The following TSHZ2 variants were observed in gnomAD, a reference collection of about 807,000 sequenced individuals.
The protein encoded by TSHZ2 is teashirt homolog 2.
Under a neutral mutation model 74.4 loss-of-function variants are expected in TSHZ2, and 21 were observed. The ratio of observed to expected loss-of-function variants is 0.28; its 90% CI spans 0.20 to 0.41. The LOEUF is 0.41. Ranked by LOEUF, TSHZ2 falls within the 10% of genes least tolerant of loss-of-function variation. The probability of loss-of-function intolerance (pLI) is 1.00; values close to 1 mark genes in which losing one functional copy is unlikely to be tolerated. For missense variants in TSHZ2, 1,244 were observed against 1,293.5 expected (o/e 0.96, Z 0.59); for synonymous variants, 540 against 515.3 (o/e 1.05, Z -0.65).
chr20:53,400,353 T>C lies in TSHZ2; in HGVS notation c.*9-86791T>C, dbSNP rs1280721453. The C allele has an allele frequency of 2.0e-5, 3 of 152,266 alleles. No homozygotes were observed. In the East Asian group the frequency reaches 5.8e-4, roughly 29 times the overall value. The allele number at this position is 152,266 out of a possible 1,614,324, so 9.4% of individuals were successfully genotyped here. A position where few individuals can be genotyped will look rare whatever the true frequency, so the allele number is the denominator to read the frequency against. ...CCTCTGAGACAAAGTGCTTGTTGAA[T>C]GTCTTCCACTGTTCCGACACAGAAA... is the stretch of plus-strand genomic sequence containing the variant. On this transcript the variant is annotated intron_variant, in intron 2 of 2. Coordinates refer to ENST00000371497, the MANE Select transcript of TSHZ2 (RefSeq NM_173485.6).
At chr20:53,087,949 C>T (rs1390420366) in intron 1 of TSHZ2, among the ~76,000 whole-genome samples, 1 of 152,140 alleles carries the variant, frequency 6.6e-6, no homozygotes, top group Non-Finnish European at 1.5e-5. Flanking sequence ...CTCCTCCAAC[C>T]TTTTCCCAAG....
chr20:53,039,837 G>T (rs1435506307), intron 1 of TSHZ2, among the ~76,000 whole-genome samples: 1 of 151,412 alleles, frequency 6.6e-6, no homozygotes, highest in Non-Finnish European at 1.5e-5. Flanking sequence ...GCCGGCTGTG[G>T]TGGCTCACAC....
intron 2 of TSHZ2, among the ~76,000 whole-genome samples, chr20:53,352,777 C>CAAA (rs869247919): frequency 3.0e-5 from 2 of 65,598 alleles, no homozygotes; most frequent in African/African-American, 1.1e-4. Flanking sequence ...CTGTCTCAAA[C>CAAA]AAAAAAAAAA....
At chr20:53,381,033 T>C (rs1356166619) in intron 2 of TSHZ2, among the ~76,000 whole-genome samples, 1 of 152,224 alleles carries the variant, frequency 6.6e-6, no homozygotes, top group African/African-American at 2.4e-5. Flanking sequence ...ATCCAGCATT[T>C]TGTAGCTCTG....
At chr20:53,262,966 T>G (rs1209317437) in intron 2 of TSHZ2, among the ~76,000 whole-genome samples, 1 of 152,208 alleles carries the variant, frequency 6.6e-6, no homozygotes, top group African/African-American at 2.4e-5. Context: ...GAAGCGAAGT[T>G]CTGGAGTATA....
chr20:53,314,994 A>T (rs897805905), intron 2 of TSHZ2, among the ~76,000 whole-genome samples: 1 of 152,186 alleles, frequency 6.6e-6, no homozygotes, highest in Admixed American at 6.5e-5. Context: ...CCTTTAAAGG[A>T]TATACAAGAA....
intron 2 of TSHZ2, among the ~76,000 whole-genome samples, chr20:53,468,036 CTG>C (rs1395192375): frequency 6.6e-6 from 1 of 152,108 alleles, no homozygotes; most frequent in Non-Finnish European, 1.5e-5. Context: ...CCACTCCTTC[CTG>C]CAAAAATGTT....
intron 1 of TSHZ2, among the ~76,000 whole-genome samples, chr20:53,108,992 A>AT (rs993247720): frequency 3.3e-5 from 5 of 151,670 alleles, no homozygotes; most frequent in African/African-American, 9.7e-5. Flanking sequence ...AGTTCTTGGG[A>AT]TTTTTTCATT....
chr20:53,056,635 A>G (rs888634535), intron 1 of TSHZ2, among the ~76,000 whole-genome samples: 1 of 152,228 alleles, frequency 6.6e-6, no homozygotes, highest in South Asian at 2.1e-4. Context: ...ATATTCCTCC[A>G]TACCAACTAC....
At position 53,234,479 on chromosome 20, in the gene TSHZ2, A is replaced by C. The variant is rs1480087161; in HGVS notation, c.41-19020A>C. Among the ~76,000 whole-genome samples the C allele has an allele frequency of 3.3e-5, 5 of 152,368 alleles. No individual in the cohort carries two copies. The East Asian group carries it at 9.6e-4, about 29-fold the overall frequency. On this transcript the variant is annotated intron_variant, in intron 1 of 2. Transcript: ENST00000371497. The stretch of plus-strand genomic sequence containing the variant: ...ATCACAATTAACAATAGAAATAATA[A>C]AGAAGTAAATTCTGTAGTAAGCTAC...
At chr20:53,257,795 G>A (rs1176508679) in intron 2 of TSHZ2, among the ~76,000 whole-genome samples, 1 of 152,194 alleles carries the variant, frequency 6.6e-6, no homozygotes, top group Non-Finnish European at 1.5e-5. Flanking sequence ...TTTGCTCCTA[G>A]TTAATTAGCT....
chr20:53,235,127 T>C (rs1316779933), intron 1 of TSHZ2, among the ~76,000 whole-genome samples: 40 of 45,708 alleles, frequency 8.8e-4, no homozygotes, highest in Non-Finnish European at 3.1e-4. Flanking sequence ...CTTGGTTTTG[T>C]TGGGCGGGGC....
intron 1 of TSHZ2, among the ~76,000 whole-genome samples, chr20:53,019,547 A>C (rs1231495181): frequency 6.6e-6 from 1 of 152,108 alleles, no homozygotes; most frequent in Admixed American, 6.5e-5. Context: ...GAATGTCCAG[A>C]GGTGGTGCCT....
At chr20:53,284,798 C>A (rs1991134645) in intron 2 of TSHZ2, among the ~76,000 whole-genome samples, 2 of 137,418 alleles carry the variant, frequency 1.5e-5, no homozygotes, top group South Asian at 2.3e-4. Context: ...GAGAGAGGAA[C>A]TCTACTGTCT....
At chr20:53,234,260 T>G (rs138459302) in intron 1 of TSHZ2, among the ~76,000 whole-genome samples, 2 of 152,120 alleles carry the variant, frequency 1.3e-5, no homozygotes, top group Non-Finnish European at 2.9e-5. Flanking sequence ...CCCAGAAAAA[T>G]TCTGGTGAGT....
chr20:53,008,561 T>C (rs1370338028), intron 1 of TSHZ2, among the ~76,000 whole-genome samples: 1 of 151,836 alleles, frequency 6.6e-6, no homozygotes, highest in Admixed American at 6.6e-5. Context: ...AATCACCTTT[T>C]TTTTTTTTTT....
intron 1 of TSHZ2, among the ~76,000 whole-genome samples, chr20:53,065,645 C>G (rs6013623): frequency 0.12 from 18,121 of 152,132 alleles, 1,177 homozygotes; most frequent in South Asian, 0.21. Flanking sequence ...AAAGTGCATT[C>G]CCTCTGGAAG....
At chr20:53,469,942 G>A (rs1422058207) in intron 2 of TSHZ2, among the ~76,000 whole-genome samples, 1 of 151,326 alleles carries the variant, frequency 6.6e-6, no homozygotes, top group Non-Finnish European at 1.5e-5. Context: ...AGGCAGGCAG[G>A]CAGACACAAC....
At chr20:53,459,596 C>A (rs1469053651) in intron 2 of TSHZ2, among the ~76,000 whole-genome samples, 7 of 142,398 alleles carry the variant, frequency 4.9e-5, no homozygotes, top group East Asian at 4.0e-4. Context: ...TTTATCCTGT[C>A]ATTATGATGT....
Sources: allele counts gnomAD v4.1 joint callset (sites outside exome capture counted in the v4.1 genomes callset), GRCh38; gene constraint gnomAD v4.1.1; transcripts MANE v1.5; gene names NCBI Gene and HGNC (gene_info 2026-07-23, HGNC 2026-07-21).